Variants in STAT5A observed in about 807,000 individuals in gnomAD.
STAT5A encodes the protein signal transducer and activator of transcription 5A.
STAT5A carries 26 observed loss-of-function variants against 100.2 expected under a neutral mutation model. That is an observed-to-expected ratio of 0.26 (90% CI 0.19 to 0.36). The LOEUF (loss-of-function observed/expected upper bound fraction) is 0.36. Among genes scored for constraint, STAT5A ranks in the 10% least tolerant of loss-of-function variants. The probability of loss-of-function intolerance (pLI) is 1.00; values close to 1 mark genes in which losing one functional copy is unlikely to be tolerated. For synonymous variants in STAT5A, 330 were observed against 424.3 expected (o/e 0.78, Z 2.73); for missense variants, 634 against 1,027.5 (o/e 0.62, Z 5.24).
At position 42,289,553 on chromosome 17, in the gene STAT5A, G is replaced by T. The variant is rs199946833; in HGVS notation, c.128+14G>T. The T allele has an allele frequency of 2.5e-6, 4 of 1,610,228 alleles. No homozygotes were observed. The highest frequency in any genetic ancestry group is 3.4e-6 in the Non-Finnish European group (4 of 1,178,380). ...GAGCCAGCCATGGTAGGCACGTCCC[G>T]CCCTGCCCCTCCTCAGAGGGTCCCT... On this transcript the variant is annotated intron_variant, in intron 2 of 18. Transcript: ENST00000590949.
At chr17:42,302,663 G>A (rs180671766) in intron 9 of STAT5A, among the ~76,000 whole-genome samples, 12 of 152,358 alleles carry the variant, frequency 7.9e-5, no homozygotes, top group Admixed American at 6.5e-4. Flanking sequence ...GCTGGGCGAG[G>A]TGGCTCACGC....
chr17:42,300,268 G>A lies in STAT5A; in HGVS notation c.820G>A (p.Val274Met), dbSNP rs750660966. The A allele has an allele frequency of 3.3e-5, 49 of 1,496,750 alleles. No individual in the cohort carries two copies. The highest frequency in any genetic ancestry group is 2.4e-4 in the Middle Eastern group (1 of 4,084). 92.7% of individuals were successfully genotyped at this position (1,496,750 alleles called of 1,614,324 possible). Residue 274 changes from valine (V) to methionine (M), a missense_variant, in exon 7 of 19, where the codon GTG becomes ATG. By Grantham distance (21) the Val-to-Met change is conservative. Coordinates refer to ENST00000590949, the MANE Select transcript of STAT5A (RefSeq NM_001288718.2). Reference sequence around the variant, plus strand: ...CGGGCCCCCCGAGGGCAGCCTGGACGTGCTACAGTCCTGGTAATGGTGTGG... The same window carrying A: ...CGGGCCCCCCGAGGGCAGCCTGGACATGCTACAGTCCTGGTAATGGTGTGG... ...NGGPPEGSLD[V>M]LQSWCEKLAE...
chr17:42,294,622 C>G (rs1016451164), intron 4 of STAT5A, among the ~76,000 whole-genome samples: 1 of 152,198 alleles, frequency 6.6e-6, no homozygotes, highest in Non-Finnish European at 1.5e-5. Context: ...AGTGCTTTGC[C>G]TCAGGAGGAT....
rs1011496377 is a variant in STAT5A, at chr17:42,292,058, C to T, written c.372C>T (p.Asn124=). ...AACAGAGGCTGGTCCGAGAAGCCAA[C>T]AATGTGAGTGTCCCTTGGGGATGGG... ...YNEQRLVREA[N]NCSSPAGILV... The change falls in exon 4 of 19, where the codon AAC becomes AAT. Residue 124 remains asparagine (N), a synonymous_variant. Transcript: ENST00000590949. 1.9e-6 allele frequency: 3 copies of T among 1,613,748 alleles called. No individual in the cohort carries two copies. Among genetic ancestry groups the T allele is most frequent in the African/African-American group, 2.7e-5 (2 of 74,910 alleles).
At chr17:42,305,235 G>C (rs2081017059) in intron 11 of STAT5A, among the ~76,000 whole-genome samples, 1 of 152,046 alleles carries the variant, frequency 6.6e-6, no homozygotes, top group Admixed American at 6.6e-5. Context: ...ATGGGTGGTG[G>C]GTCTTGCCTG....
chr17:42,299,643 G>T, intron 5 of STAT5A, 108 bp from the exon 6 acceptor site: 2 of 1,564,186 alleles, frequency 1.3e-6, no homozygotes, highest in Non-Finnish European at 1.7e-6. Flanking sequence ...TCTTGATGCA[G>T]TGTCTGAGCC....
chr17:42,308,848 T>A lies in STAT5A; in HGVS notation c.2063-199T>A, dbSNP rs1264996607. On this transcript the variant is annotated intron_variant, in intron 16 of 18. Coordinates refer to ENST00000590949, the MANE Select transcript of STAT5A (RefSeq NM_001288718.2). The surrounding 1 kb of genome is among the most constrained non-coding windows in gnomAD (Gnocchi z 4.6). Reference sequence around the variant, plus strand: ...TGGCCAGAAAAAGAACCAGAAGGAATGGGATTCAAGCCAGGGGTCTCAGTG... The same window carrying A: ...TGGCCAGAAAAAGAACCAGAAGGAAAGGGATTCAAGCCAGGGGTCTCAGTG... The A allele has an allele frequency of 1.6e-5, 10 of 639,110 alleles. No individual in the cohort carries two copies. The highest frequency in any genetic ancestry group is 2.2e-5 in the Non-Finnish European group (8 of 363,766). The allele number at this position is 639,110 out of a possible 1,614,324, so 39.6% of individuals were successfully genotyped here.
chr17:42,306,433 T>A lies in STAT5A; in HGVS notation c.1666T>A (p.Ser556Thr). The change falls in exon 13 of 19, where the codon TCC becomes ACC. Residue 556 changes from serine to threonine, a missense_variant. By Grantham distance (58) the Ser-to-Thr change is moderately conservative. Around this residue, in one of 5 missense-constraint regions of STAT5A, gnomAD observed 210 missense variants for 428.4 expected, o/e 0.49. Coordinates refer to ENST00000590949, the MANE Select transcript of STAT5A (RefSeq NM_001288718.2). ...CTACAGTGGCCTGTCCGTGTCCTGG[T>A]CCCAGTTCAACAGGGTGAGGGGCCC... Reference protein sequence around the residue: ...EDYSGLSVSWSQFNRENLPGW... With the variant: ...EDYSGLSVSWTQFNRENLPGW... The A allele has an allele frequency of 1.2e-6, 2 of 1,612,794 alleles. No homozygotes were observed. Among genetic ancestry groups the A allele is most frequent in the Non-Finnish European group, 1.7e-6 (2 of 1,179,434 alleles).
At position 42,289,876 on chromosome 17, in the gene STAT5A, G is replaced by T; in HGVS notation, c.139G>T (p.Asp47Tyr). 6.4e-7 allele frequency: 1 copy of T among 1,572,182 alleles called. No homozygotes were observed. Among genetic ancestry groups the T allele is most frequent in the Admixed American group, 1.9e-5 (1 of 53,434 alleles). The change falls in exon 3 of 19, where the codon GAC becomes TAC. Residue 47 changes from aspartate (D) to tyrosine (Y), a missense_variant. Physicochemically the swap from Asp to Tyr is radical, Grantham distance 160. Transcript: ENST00000590949. ...WIESQPWDAI[D>Y]LDNPQDRAQA... The stretch of plus-strand genomic sequence containing the variant: ...CTGCCCTGCCCCAAGGGATGCCATT[G>T]ACTTGGACAATCCCCAGGACAGAGC...
chr17:42,289,584 C>T lies in STAT5A; in HGVS notation c.128+45C>T, dbSNP rs927319484. On this transcript the variant is annotated intron_variant, in intron 2 of 18. Coordinates refer to ENST00000590949, the MANE Select transcript of STAT5A (RefSeq NM_001288718.2). The stretch of plus-strand genomic sequence containing the variant: ...CCCCTCCTCAGAGGGTCCCTACCAT[C>T]CAGGCCCTTTGGCCTCTAGTTTTAC... 5.0e-6 allele frequency: 8 copies of T among 1,595,170 alleles called. No individual in the cohort carries two copies. In the African/African-American group the frequency reaches 1.1e-4, roughly 21 times the overall value.
At chr17:42,301,476 C>T in intron 9 of STAT5A, 22 bp downstream of exon 9, 2 of 1,613,768 alleles carry the variant, frequency 1.2e-6, no homozygotes, top group Non-Finnish European at 1.7e-6. Flanking sequence ...TCTCCCTTCC[C>T]CTGCCCAAGC....
chr17:42,289,325 G>A, intron 1 of STAT5A, 77 bp from the exon 2 acceptor site: 7 of 1,440,172 alleles, frequency 4.9e-6, no homozygotes, highest in South Asian at 1.4e-5. Context: ...GGGATAGGTA[G>A]GCATGGCAAG....
intron 5 of STAT5A, among the ~76,000 whole-genome samples, chr17:42,298,518 C>A (rs1447078699): frequency 1.4e-5 from 2 of 147,234 alleles, no homozygotes; most frequent in Admixed American, 1.4e-4. Context: ...GTCGCCCAGG[C>A]TGGAGTGCAG....
At position 42,310,720 on chromosome 17, in the gene STAT5A, T is replaced by C. The variant is rs1257880578; in HGVS notation, c.*51T>C. 6.2e-7 allele frequency: 1 copy of C among 1,610,554 alleles called. No homozygotes were observed. The highest frequency in any genetic ancestry group is 1.1e-5 in the South Asian group (1 of 90,888). On this transcript the variant is annotated 3_prime_UTR_variant, in exon 19 of 19. Coordinates refer to ENST00000590949, the MANE Select transcript of STAT5A (RefSeq NM_001288718.2). ...GGAAACAATATGCAATGTGAAGCGG[T>C]CGTGTTGTGAGTTTAGTAAGGCTGT... is the stretch of plus-strand genomic sequence containing the variant.
Position 42,307,665 on chromosome 17 carries a change from G to A in STAT5A, c.1848G>A (p.Leu616=). 1 of 1,614,116 alleles carries A rather than the reference G, an allele frequency of 6.2e-7. No individual in the cohort carries two copies. The highest frequency in any genetic ancestry group is 8.5e-7 in the Non-Finnish European group (1 of 1,180,018). ...TCAACAAGCCCGACGGGACCTTCTT[G>A]TTGCGCTTTAGTGACTCAGAAATCG... The part of the protein sequence containing the change: ...LLINKPDGTF[L]LRFSDSEIGG... Residue 616 remains leucine (L), a synonymous_variant, in exon 15 of 19, where the codon TTG becomes TTA. Transcript: ENST00000590949.
rs2081029613 is a variant in STAT5A, at chr17:42,306,458, C to T, written c.1680+11C>T. On this transcript the variant is annotated intron_variant, in intron 13 of 18. Coordinates refer to ENST00000590949, the MANE Select transcript of STAT5A (RefSeq NM_001288718.2). ...TCCCAGTTCAACAGGGTGAGGGGCCCAGCTGCCAGCCGCCCACCAGGGCCC... is the reference window on the plus strand; with the variant it reads ...TCCCAGTTCAACAGGGTGAGGGGCCTAGCTGCCAGCCGCCCACCAGGGCCC... The T allele has an allele frequency of 3.7e-6, 6 of 1,605,584 alleles. No individual in the cohort carries two copies. Among genetic ancestry groups the T allele is most frequent in the African/African-American group, 1.3e-5 (1 of 74,662 alleles).
chr17:42,310,516 T>C lies in STAT5A; in HGVS notation c.2232T>C (p.His744=). ...CCCCTGTCTTTACCAGCCCTGACCA[T>C]GTACTCGATCAGGATGGAGAATTCG... ...PYNMYPQNPD[H]VLDQDGEFDL... The change falls in exon 19 of 19, where the codon CAT becomes CAC. Residue 744 remains histidine (H), a synonymous_variant. Transcript: ENST00000590949. 1.9e-6 allele frequency: 3 copies of C among 1,614,188 alleles called. No individual in the cohort carries two copies. The highest frequency in any genetic ancestry group is 1.7e-6 in the Non-Finnish European group (2 of 1,180,024).
upstream of STAT5A, chr17:42,287,929 A>G (rs2080828763): frequency 6.6e-6 from 1 of 152,250 alleles, no homozygotes; most frequent in Admixed American, 6.5e-5. Flanking sequence ...TGGCTTCACT[A>G]GAATCCCCAG....
At position 42,301,437 on chromosome 17, in the gene STAT5A, A is replaced by G. The variant is rs1264469308; in HGVS notation, c.1152A>G (p.Lys384=). The G allele has an allele frequency of 1.2e-6, 2 of 1,614,040 alleles. No individual in the cohort carries two copies. The highest frequency in any genetic ancestry group is 8.5e-7 in the Non-Finnish European group (1 of 1,180,028). ...ISEQQAKSLL[K]NENTRNECSG... is the part of the protein sequence containing the mutation. ...AGCAGCAGGCCAAGTCTCTGCTTAAAAATGAGAACACCCGCAAGTAATTGT... is the reference window on the plus strand; with the variant it reads ...AGCAGCAGGCCAAGTCTCTGCTTAAGAATGAGAACACCCGCAAGTAATTGT... Residue 384 remains lysine, a synonymous_variant, in exon 9 of 19, where the codon AAA becomes AAG. Coordinates refer to ENST00000590949, the MANE Select transcript of STAT5A (RefSeq NM_001288718.2).
Sources: allele counts gnomAD v4.1 joint callset (sites outside exome capture counted in the v4.1 genomes callset), GRCh38; gene constraint gnomAD v4.1.1; regional missense constraint gnomAD v4.1.1; non-coding constraint Gnocchi (gnomAD v3.1); transcripts MANE v1.5; gene names NCBI Gene and HGNC (gene_info 2026-07-23, HGNC 2026-07-21).